LRP1B: variants seen among roughly 807,000 people sequenced by gnomAD.
The protein encoded by LRP1B is LDL receptor related protein 1B, also known as low-density lipoprotein receptor-related protein 1B.
In LRP1B, 217 loss-of-function variants were observed where a neutral mutation model predicts 556.6. The observed-to-expected ratio is 0.39, with a 90% CI of 0.35 to 0.44. The LOEUF (loss-of-function observed/expected upper bound fraction) is 0.44, where lower values mean the gene tolerates loss of function less well. LRP1B is among the 20% of genes least tolerant of loss of function. The pLI is 1.00. For missense variants in LRP1B, 5,053 were observed against 5,620.8 expected (o/e 0.90, Z 3.23); for synonymous variants, 2,047 against 1,865.8 (o/e 1.10, Z -2.50).
chr2:141,461,586 G>A (rs1055493669), intron 3 of LRP1B, among the ~76,000 whole-genome samples: 4 of 152,110 alleles, frequency 2.6e-5, no homozygotes, highest in African/African-American at 9.7e-5. Flanking sequence ...CCCAGAACAA[G>A]GACTGGTCTA....
intron 3 of LRP1B, among the ~76,000 whole-genome samples, chr2:141,365,072 C>T (rs1480733909): frequency 6.6e-6 from 1 of 152,100 alleles, no homozygotes; most frequent in East Asian, 1.9e-4. Context: ...CTTATAGTTG[C>T]TTTTTATAGC....
chr2:141,968,989 T>C (rs1701644132), intron 1 of LRP1B, among the ~76,000 whole-genome samples: 1 of 151,578 alleles, frequency 6.6e-6, no homozygotes, highest in South Asian at 2.1e-4. Flanking sequence ...CTCTCTGTCC[T>C]GCAGCTATTT....
At chr2:140,485,628 A>G (rs773677494) in intron 58 of LRP1B, 104 bp from the exon 59 acceptor site, 11 of 772,794 alleles carry the variant, frequency 1.4e-5, no homozygotes, top group Non-Finnish European at 2.2e-5. Context: ...ATTTAAATGT[A>G]AAGAATGGAA....
chr2:140,970,025 A>C lies in LRP1B; in HGVS notation c.2887+12135T>G, dbSNP rs193047504. On this transcript the variant is annotated intron_variant, in intron 18 of 90. Coordinates refer to ENST00000389484, the MANE Select transcript of LRP1B (RefSeq NM_018557.3). The stretch of plus-strand genomic sequence containing the variant: ...CTTGGAGTTGCTCTTCTCAAGGACC[A>C]TCTTTGGGGCATTCTCTGTATTTCC... 2.1e-3 allele frequency among the ~76,000 whole-genome samples: 316 copies of C among 152,246 alleles called. 2 individuals carry two copies. The highest frequency in any genetic ancestry group is 7.1e-3 in the African/African-American group (296 of 41,554).
At chr2:141,367,996 A>G (rs575037514) in intron 3 of LRP1B, among the ~76,000 whole-genome samples, 27 of 152,282 alleles carry the variant, frequency 1.8e-4, no homozygotes, top group South Asian at 1.7e-3. Context: ...CAGCTAATCT[A>G]AAAGTGTATA....
intron 25 of LRP1B, among the ~76,000 whole-genome samples, chr2:140,882,486 A>C (rs1040294251): frequency 6.6e-6 from 1 of 152,202 alleles, no homozygotes; most frequent in African/African-American, 2.4e-5. Flanking sequence ...CCTATTTTAC[A>C]AAAGAAGGCA....
chr2:141,015,580 T>C (rs1202786097), intron 13 of LRP1B, 116 bp downstream of exon 13: 5 of 827,042 alleles, frequency 6.0e-6, no homozygotes, highest in Admixed American at 2.6e-5. Flanking sequence ...ATGGAGACTA[T>C]TGGCAGCCAC....
At chr2:141,151,535 G>A (rs1187384432) in intron 7 of LRP1B, among the ~76,000 whole-genome samples, 1 of 152,120 alleles carries the variant, frequency 6.6e-6, no homozygotes, top group Non-Finnish European at 1.5e-5. Flanking sequence ...TTATGAAGAT[G>A]GCTAAGACAC....
intron 1 of LRP1B, among the ~76,000 whole-genome samples, chr2:142,111,594 AAAG>A (rs775432830): frequency 6.6e-6 from 1 of 152,158 alleles, no homozygotes; most frequent in Admixed American, 6.6e-5. Context: ...AAAAGGATTT[AAAG>A]ATGATATCCT....
At chr2:141,223,436 T>C (rs1683121647) in intron 6 of LRP1B, among the ~76,000 whole-genome samples, 1 of 152,166 alleles carries the variant, frequency 6.6e-6, no homozygotes, top group Admixed American at 6.5e-5. Context: ...AGAATCAATA[T>C]TATGAAAATG....
intron 1 of LRP1B, among the ~76,000 whole-genome samples, chr2:141,898,982 C>A (rs1699537549): frequency 6.6e-6 from 1 of 152,110 alleles, no homozygotes; most frequent in South Asian, 2.1e-4. Context: ...AGGCCACAGC[C>A]TTTTGCACAG....
At chr2:142,048,822 T>G (rs1411853210) in intron 1 of LRP1B, among the ~76,000 whole-genome samples, 2 of 152,022 alleles carry the variant, frequency 1.3e-5, no homozygotes, top group African/African-American at 4.8e-5. Flanking sequence ...GATGAGTGTA[T>G]TTACAATGGA....
At chr2:141,139,397 G>T (rs935218643) in intron 7 of LRP1B, among the ~76,000 whole-genome samples, 2 of 151,640 alleles carry the variant, frequency 1.3e-5, no homozygotes, top group African/African-American at 2.4e-5. Flanking sequence ...GACACTGTTA[G>T]GAGAATAAAA....
intron 11 of LRP1B, among the ~76,000 whole-genome samples, chr2:141,028,851 C>G (rs145552401): frequency 6.6e-6 from 1 of 152,244 alleles, no homozygotes; most frequent in Non-Finnish European, 1.5e-5. Context: ...AAGAAAATCT[C>G]TTACCTATTG....
chr2:141,626,306 T>C (rs1558763504), intron 2 of LRP1B, among the ~76,000 whole-genome samples: 1 of 152,174 alleles, frequency 6.6e-6, no homozygotes, highest in Non-Finnish European at 1.5e-5. Flanking sequence ...TCACAAAAGT[T>C]AACTTGAAAT....
At chr2:140,861,999 T>C (rs1692812308) in intron 27 of LRP1B, among the ~76,000 whole-genome samples, 1 of 152,224 alleles carries the variant, frequency 6.6e-6, no homozygotes, top group African/African-American at 2.4e-5. Context: ...CAAGGCTCTA[T>C]CATTGCCCTT....
intron 7 of LRP1B, among the ~76,000 whole-genome samples, chr2:141,118,675 A>G (rs899192422): frequency 6.6e-6 from 1 of 151,940 alleles, no homozygotes; most frequent in Non-Finnish European, 1.5e-5. Flanking sequence ...TATTCTAAAC[A>G]TTTATTCCAC....
At chr2:140,645,453 C>A (rs1045452074) in intron 41 of LRP1B, among the ~76,000 whole-genome samples, 1 of 151,508 alleles carries the variant, frequency 6.6e-6, no homozygotes, top group African/African-American at 2.4e-5. Flanking sequence ...TATTCAATTG[C>A]CCTTCTACTG....
At chr2:141,075,329 A>C (rs1699758255) in intron 7 of LRP1B, among the ~76,000 whole-genome samples, 1 of 152,188 alleles carries the variant, frequency 6.6e-6, no homozygotes, top group Admixed American at 6.5e-5. Context: ...TAAAAACAGC[A>C]TTCCAATATA....
Sources: gnomAD v4.1 joint callset for allele counts (sites outside exome capture counted in the v4.1 genomes callset) on GRCh38, gnomAD v4.1.1 for gene constraint, MANE v1.5 for transcripts, NCBI Gene and HGNC (gene_info 2026-07-23, HGNC 2026-07-21) for gene names.